Variants in DMRT1 observed in about 807,000 individuals in gnomAD.
The protein encoded by DMRT1 is doublesex- and mab-3-related transcription factor 1.
In DMRT1, 7 loss-of-function variants were observed where a neutral mutation model predicts 32.3. That is an observed-to-expected ratio of 0.22 (90% CI 0.12 to 0.41). The LOEUF (loss-of-function observed/expected upper bound fraction) is 0.41. Ranked by LOEUF, DMRT1 falls within the 10% of genes least tolerant of loss-of-function variation. The pLI is 1.00. For synonymous variants in DMRT1, 278 were observed against 206.1 expected, an observed-to-expected ratio of 1.35 and a Z score of -2.99; for missense variants, 625 against 500.5, an observed-to-expected ratio of 1.25 and a Z score of -2.37.
chr9:846,886 TG>T, intron 1 of DMRT1, 73 bp from the exon 2 acceptor site: 1 of 1,559,534 alleles, frequency 6.4e-7, no homozygotes, highest in Non-Finnish European at 8.8e-7. Context: ...GTGTCTGGGA[TG>T]GGTGGGGCTT....
At chr9:903,994 CTGAG>C (rs1817681408) in intron 3 of DMRT1, among the ~76,000 whole-genome samples, 1 of 152,188 alleles carries the variant, frequency 6.6e-6, no homozygotes, top group Admixed American at 6.5e-5. Context: ...GTGATCTGGG[CTGAG>C]TAAGAAATCC....
chr9:895,472 C>T (rs1817318263), intron 3 of DMRT1, among the ~76,000 whole-genome samples: 1 of 152,148 alleles, frequency 6.6e-6, no homozygotes, highest in East Asian at 1.9e-4. Flanking sequence ...CAACGCAATG[C>T]CACATATATA....
chr9:885,251 G>C (rs1445679113), intron 2 of DMRT1, among the ~76,000 whole-genome samples: 5 of 152,152 alleles, frequency 3.3e-5, no homozygotes, highest in African/African-American at 1.2e-4. Flanking sequence ...TAGGTGGCTT[G>C]CGTTAGTCGG....
At chr9:850,027 C>T (rs945047147) in intron 2 of DMRT1, among the ~76,000 whole-genome samples, 1 of 152,192 alleles carries the variant, frequency 6.6e-6, no homozygotes, top group African/African-American at 2.4e-5. Context: ...CCATGTTGGT[C>T]AGGCTGGTCT....
At chr9:930,422 T>G (rs1818674099) in intron 4 of DMRT1, among the ~76,000 whole-genome samples, 1 of 151,960 alleles carries the variant, frequency 6.6e-6, no homozygotes, top group African/African-American at 2.4e-5. Context: ...AAAAATTTTT[T>G]TTTTTTTGAG....
intron 2 of DMRT1, among the ~76,000 whole-genome samples, chr9:879,282 C>T (rs990142950): frequency 2.0e-5 from 3 of 151,766 alleles, no homozygotes; most frequent in Non-Finnish European, 4.4e-5. Flanking sequence ...ATACTGGAAA[C>T]TAAAATTGAG....
At chr9:850,902 G>A (rs1839117902) in intron 2 of DMRT1, among the ~76,000 whole-genome samples, 1 of 151,898 alleles carries the variant, frequency 6.6e-6, no homozygotes, top group South Asian at 2.1e-4. Flanking sequence ...GGTGGCACAC[G>A]CCTGTAATCC....
chr9:885,674 G>A (rs527781307), intron 2 of DMRT1, among the ~76,000 whole-genome samples: 52 of 152,302 alleles, frequency 3.4e-4, no homozygotes, highest in African/African-American at 1.2e-3. Context: ...GAGGCATGGT[G>A]GTCCAGGGTG....
chr9:899,556 A>G (rs1195096698), intron 3 of DMRT1, among the ~76,000 whole-genome samples: 3 of 152,180 alleles, frequency 2.0e-5, no homozygotes, highest in Non-Finnish European at 4.4e-5. Context: ...TTTGTGGCCC[A>G]ATCATAGATT....
chr9:916,480 C>A (rs1003063891), intron 3 of DMRT1, among the ~76,000 whole-genome samples: 1 of 152,094 alleles, frequency 6.6e-6, no homozygotes, highest in Non-Finnish European at 1.5e-5. Flanking sequence ...AAGTGATCTT[C>A]CTACCTCAGC....
Position 968,193 on chromosome 9 carries a change from T to A in DMRT1, c.*54T>A. The A allele has an allele frequency of 1.9e-6, 3 of 1,603,376 alleles. No individual in the cohort carries two copies. Among genetic ancestry groups the A allele is most frequent in the Non-Finnish European group, 2.6e-6 (3 of 1,173,992 alleles). Reference sequence around the variant, plus strand: ...TTGGAGTAACAGGCTTATTCCACTTTCCATGGGGTTTGTTAATATTTTGCA... The same window carrying A: ...TTGGAGTAACAGGCTTATTCCACTTACCATGGGGTTTGTTAATATTTTGCA... On this transcript the variant is annotated 3_prime_UTR_variant, in exon 5 of 5. Transcript: ENST00000382276.
chr9:939,131 G>A (rs971712826), intron 4 of DMRT1, among the ~76,000 whole-genome samples: 16 of 152,254 alleles, frequency 1.1e-4, no homozygotes, highest in South Asian at 6.2e-4. Context: ...AATCCTCTTC[G>A]TTTACACGAT....
At chr9:922,142 G>A (rs1818374870) in intron 4 of DMRT1, among the ~76,000 whole-genome samples, 1 of 152,034 alleles carries the variant, frequency 6.6e-6, no homozygotes, top group Non-Finnish European at 1.5e-5. Context: ...GCCTCCCAAA[G>A]TGCTGGGATT....
At position 954,601 on chromosome 9, in the gene DMRT1, G is replaced by A. The variant is rs527957314; in HGVS notation, c.968-13384G>A. Among the ~76,000 whole-genome samples, 253 of 149,820 alleles carry A rather than the reference G, an allele frequency of 1.7e-3. 1 individual carries two copies. Among genetic ancestry groups the A allele is most frequent in the African/African-American group, 5.3e-3 (211 of 40,136 alleles). ...GGAGGAGGAGAAGTTGGTAGGTTCA[G>A]TTTTTTTTGTTTGTTTTTTTGTTGT... is the stretch of plus-strand genomic sequence containing the variant. On this transcript the variant is annotated intron_variant, in intron 4 of 4. Transcript: ENST00000382276.
At chr9:909,056 C>T (rs927984676) in intron 3 of DMRT1, among the ~76,000 whole-genome samples, 3 of 152,106 alleles carry the variant, frequency 2.0e-5, no homozygotes, top group Non-Finnish European at 4.4e-5. Context: ...TCTCTGCCTG[C>T]CTCGGTTCTT....
chr9:897,513 G>A (rs1817417263), intron 3 of DMRT1, among the ~76,000 whole-genome samples: 1 of 151,656 alleles, frequency 6.6e-6, no homozygotes, highest in Non-Finnish European at 1.5e-5. Flanking sequence ...TGAGATGGGA[G>A]CCCGGGAGTT....
chr9:957,940 C>T (rs917965713), intron 4 of DMRT1, among the ~76,000 whole-genome samples: 18 of 152,014 alleles, frequency 1.2e-4, no homozygotes, highest in African/African-American at 1.9e-4. Context: ...AACCCGCAGG[C>T]GGAGGTTGCC....
chr9:926,288 AAGAG>A (rs1211579938), intron 4 of DMRT1, among the ~76,000 whole-genome samples: 1 of 152,230 alleles, frequency 6.6e-6, no homozygotes, highest in Admixed American at 6.5e-5. Flanking sequence ...TTTATTTAAT[AAGAG>A]AGAGTCAAGT....
chr9:924,325 G>A (rs1168153930), intron 4 of DMRT1, among the ~76,000 whole-genome samples: 1 of 152,148 alleles, frequency 6.6e-6, no homozygotes, highest in African/African-American at 2.4e-5. Context: ...GCCCGCCTTG[G>A]CCTCCCACAG....
Sources: gnomAD v4.1 joint callset for allele counts (sites outside exome capture counted in the v4.1 genomes callset) on GRCh38, gnomAD v4.1.1 for gene constraint, MANE v1.5 for transcripts, NCBI Gene and HGNC (gene_info 2026-07-23, HGNC 2026-07-21) for gene names.